Variants in CAST observed in about 807,000 individuals in gnomAD.
The protein encoded by CAST is calpastatin, also known as MIR583 host.
A neutral mutation model predicts 119.6 loss-of-function variants in CAST; 76 were observed. The observed-to-expected ratio is 0.64, with a 90% CI of 0.53 to 0.77. CAST has a LOEUF of 0.77. Among genes scored for constraint, CAST ranks in the 30% least tolerant of loss-of-function variants. CAST has a pLI of 0.00. For synonymous variants in CAST, 319 were observed against 331.6 expected, an observed-to-expected ratio of 0.96 and a Z score of 0.41; for missense variants, 953 against 946.5, an observed-to-expected ratio of 1.01 and a Z score of -0.09.
chr5:96,547,721 T>C (rs1391724304), intron 1 of CAST, among the ~76,000 whole-genome samples: 1 of 152,218 alleles, frequency 6.6e-6, no homozygotes, highest in Non-Finnish European at 1.5e-5. Context: ...CCACAGTCAT[T>C]CTCTGAGATC....
chr5:96,172,274 C>G, the CAST span, among the ~76,000 whole-genome samples: 1 of 152,170 alleles, frequency 6.6e-6, no homozygotes. Context: ...GCCATTTTCA[C>G]TTCTTTTGTG....
chr5:95,993,980 A>T, the CAST span, among the ~76,000 whole-genome samples: 4 of 152,102 alleles, frequency 2.6e-5, no homozygotes, highest in Admixed American at 2.6e-4. Flanking sequence ...ATACCACTAC[A>T]AACTCACTAG....
At chr5:96,619,777 T>G (rs1747559916) in intron 1 of CAST, among the ~76,000 whole-genome samples, 2 of 152,284 alleles carry the variant, frequency 1.3e-5, no homozygotes, top group Middle Eastern at 6.8e-3. Flanking sequence ...GTGGCTTCAT[T>G]CCTGAAGTCA....
At chr5:96,071,710 T>C in the CAST span, among the ~76,000 whole-genome samples, 2,218 of 152,332 alleles carry the variant, frequency 0.015, 44 homozygotes, top group African/African-American at 0.05. Flanking sequence ...TCCTTACTTT[T>C]GTATCTATCC....
chr5:96,081,422 C>T, the CAST span, among the ~76,000 whole-genome samples: 1 of 152,170 alleles, frequency 6.6e-6, no homozygotes, highest in Non-Finnish European at 1.5e-5. Context: ...GAACGATATT[C>T]TTGTGGTCAG....
intron 9 of CAST, among the ~76,000 whole-genome samples, chr5:96,733,906 G>T (rs951664435): frequency 6.6e-6 from 1 of 152,138 alleles, no homozygotes; most frequent in Middle Eastern, 3.4e-3. Context: ...ACTAAATAAG[G>T]TACCATGGTT....
the CAST span, among the ~76,000 whole-genome samples, chr5:96,506,612 A>G: frequency 2.0e-5 from 3 of 151,970 alleles, no homozygotes; most frequent in Admixed American, 6.5e-5. Context: ...GGAAAGAGCT[A>G]ATGTGGGAAA....
chr5:96,621,381 A>G (rs533557624), intron 1 of CAST, among the ~76,000 whole-genome samples: 3 of 152,366 alleles, frequency 2.0e-5, no homozygotes, highest in Admixed American at 6.5e-5. Flanking sequence ...TCATGCTACT[A>G]TAAAGAAATA....
At chr5:96,735,277 C>T (rs533509658) in intron 9 of CAST, among the ~76,000 whole-genome samples, 16 of 152,320 alleles carry the variant, frequency 1.1e-4, no homozygotes, top group African/African-American at 3.1e-4. Context: ...AGCAGCCATG[C>T]ATGTCTCAAC....
chr5:95,978,293 C>G, the CAST span, among the ~76,000 whole-genome samples: 1 of 152,226 alleles, frequency 6.6e-6, no homozygotes, highest in African/African-American at 2.4e-5. Context: ...TCTTTCTCTG[C>G]AACCTCCCCA....
chr5:95,979,308 T>C, the CAST span, among the ~76,000 whole-genome samples: 1 of 152,126 alleles, frequency 6.6e-6, no homozygotes, highest in African/African-American at 2.4e-5. Context: ...AGATAAAAAT[T>C]TGCATTTATC....
the CAST span, among the ~76,000 whole-genome samples, chr5:96,084,562 C>A: frequency 6.6e-6 from 1 of 152,182 alleles, no homozygotes; most frequent in East Asian, 1.9e-4. Context: ...TCGCAGGCAC[C>A]AGAATCCACT....
the CAST span, among the ~76,000 whole-genome samples, chr5:96,302,158 G>C: frequency 6.6e-6 from 1 of 152,252 alleles, no homozygotes; most frequent in African/African-American, 2.4e-5. Flanking sequence ...CTTACAGCTT[G>C]CACCCTCTGG....
At chr5:96,097,177 C>T in the CAST span, among the ~76,000 whole-genome samples, 1 of 152,098 alleles carries the variant, frequency 6.6e-6, no homozygotes, top group African/African-American at 2.4e-5. Flanking sequence ...GCTCTTTGAG[C>T]TTTCATAGTT....
At chr5:96,275,922 G>C in the CAST span, among the ~76,000 whole-genome samples, 2 of 152,216 alleles carry the variant, frequency 1.3e-5, no homozygotes, top group Non-Finnish European at 2.9e-5. Flanking sequence ...GAATACCCGT[G>C]TTAAAAGCTC....
rs149201389 is a variant in CAST, at chr5:96,629,629, C to T, written c.61-45910C>T. On this transcript the variant is annotated intron_variant, in intron 1 of 11. Transcript: ENST00000505143. ...TAGTGCTAAACAGGAGGGTCTTAGGCCAACCAACTTGAAATCAAACTGTAA... is the reference window on the plus strand; with the variant it reads ...TAGTGCTAAACAGGAGGGTCTTAGGTCAACCAACTTGAAATCAAACTGTAA... Among the ~76,000 whole-genome samples, 142 of 152,288 alleles carry T rather than the reference C, an allele frequency of 9.3e-4. 1 individual carries two copies. Among genetic ancestry groups the T allele is most frequent in the African/African-American group, 3.1e-3 (127 of 41,562 alleles).
rs1361765680 is a variant in CAST at position 96,723,116 on chromosome 5, T to G, written c.270+418T>G. On this transcript the variant is annotated intron_variant, in intron 4 of 31. Coordinates refer to ENST00000675179, the MANE Select transcript of CAST (RefSeq NM_001750.7). ...CACCACCATGCCCGGCTAATTGTTT[T>G]TTTGTTTGTTTGTTTGTTTGTTTGT... is the stretch of plus-strand genomic sequence containing the variant. 1.3e-4 allele frequency among the ~76,000 whole-genome samples: 20 copies of G among 152,008 alleles called. No homozygotes were observed. In the South Asian group the frequency reaches 1.7e-3, roughly 13 times the overall value.
chr5:96,446,743 A>T, the CAST span, among the ~76,000 whole-genome samples: 2 of 152,214 alleles, frequency 1.3e-5, no homozygotes, highest in African/African-American at 4.8e-5. Flanking sequence ...TGCCATAAGC[A>T]ATGGAATGGA....
At chr5:96,642,630 C>T (rs929534651) in intron 1 of CAST, among the ~76,000 whole-genome samples, 2 of 151,870 alleles carry the variant, frequency 1.3e-5, no homozygotes, top group African/African-American at 4.8e-5. Context: ...CAACCTCCAC[C>T]TCCTGGATTC....
Sources: gnomAD v4.1 joint callset for allele counts (sites outside exome capture counted in the v4.1 genomes callset) on GRCh38, gnomAD v4.1.1 for gene constraint, MANE v1.5 for transcripts, NCBI Gene and HGNC (gene_info 2026-07-23, HGNC 2026-07-21) for gene names.